Variants in SLITRK4 observed in about 807,000 individuals in gnomAD.
The protein encoded by SLITRK4 is SLIT and NTRK-like protein 4.
In SLITRK4, 7 loss-of-function variants were observed where a neutral mutation model predicts 34.7. That is an observed-to-expected ratio of 0.20 (90% CI 0.11 to 0.38). The LOEUF (loss-of-function observed/expected upper bound fraction) is 0.38. SLITRK4 is among the 10% of genes least tolerant of loss of function. SLITRK4 has a pLI of 1.00. For missense variants in SLITRK4, 474 were observed against 607.0 expected, an observed-to-expected ratio of 0.78 and a Z score of 2.30; for synonymous variants, 237 against 246.2, an observed-to-expected ratio of 0.96 and a Z score of 0.35.
chrX:143,628,163 T>A lies in SLITRK4; in HGVS notation c.*432A>T. ...TAATCTTTACACGGAGTTGTTACAA[T>A]GCCACAAATCAAAAGGATTATTCCA... On this transcript the variant is annotated 3_prime_UTR_variant, in exon 2 of 2. Coordinates refer to ENST00000356928, the MANE Select transcript of SLITRK4 (RefSeq NM_001184749.3). 2 of 126,789 alleles carry A rather than the reference T, an allele frequency of 1.6e-5. No homozygotes were observed. Among genetic ancestry groups the A allele is most frequent in the East Asian group, 4.3e-4 (2 of 4,641 alleles). The allele number at this position is 126,789 out of a possible 1,213,427, so 10.4% of individuals were successfully genotyped here. A position where few individuals can be genotyped will look rare whatever the true frequency, so the allele number is the denominator to read the frequency against.
rs1192882377 is a variant in SLITRK4, at chrX:143,627,346, A to C, written c.*1249T>G. 1 of 111,049 alleles carries C rather than the reference A, an allele frequency of 9.0e-6. No individual in the cohort carries two copies. The highest frequency in any genetic ancestry group is 1.9e-5 in the Non-Finnish European group (1 of 52,903). 9.2% of individuals were successfully genotyped at this position (111,049 alleles called of 1,213,427 possible). A position where few individuals can be genotyped will look rare whatever the true frequency, so the allele number is the denominator to read the frequency against. ...AAAGCAAGACAACCGATGGCAAATA[A>C]CAACTGCCCCAGACACAATACTAGA... On this transcript the variant is annotated 3_prime_UTR_variant, in exon 2 of 2. Coordinates refer to ENST00000356928, the MANE Select transcript of SLITRK4 (RefSeq NM_001184749.3).
intron 1 of SLITRK4, among the ~76,000 whole-genome samples, chrX:143,635,473 AACGAAGGAACACACAC>A (rs1931206721): frequency 2.7e-5 from 2 of 75,033 alleles, no homozygotes; most frequent in South Asian, 1.8e-3. Flanking sequence ...GTCCCCTAAT[AACGAAGGAACACACAC>A]ACACACACAC....
chrX:143,626,505 C>T lies in SLITRK4; in HGVS notation c.*2090G>A, dbSNP rs1249160576. 1 of 104,386 alleles carries T rather than the reference C, an allele frequency of 9.6e-6. No individual in the cohort carries two copies. Among genetic ancestry groups the T allele is most frequent in the Non-Finnish European group, 2.0e-5 (1 of 50,646 alleles). 8.6% of individuals were successfully genotyped at this position (104,386 alleles called of 1,213,427 possible). A position where few individuals can be genotyped will look rare whatever the true frequency, so the allele number is the denominator to read the frequency against. ...TTATCTATATGTATGAATATATACC[C>T]ACATATATATATATACACACACTCA... is the stretch of plus-strand genomic sequence containing the variant. On this transcript the variant is annotated 3_prime_UTR_variant, in exon 2 of 2. Coordinates refer to ENST00000356928, the MANE Select transcript of SLITRK4 (RefSeq NM_001184749.3).
In SLITRK4 at chrX:143,627,915, T is replaced by G. The variant is rs1163708561; in HGVS notation, c.*680A>C. On this transcript the variant is annotated 3_prime_UTR_variant, in exon 2 of 2. Transcript: ENST00000356928. ...TCACGTTGATTTTTTCTTTTAGATT[T>G]TTATGTATAGACAGGTAATGCTTAA... 5.5e-6 allele frequency: 1 copy of G among 183,296 alleles called. No individual in the cohort carries two copies. Among genetic ancestry groups the G allele is most frequent in the Non-Finnish European group, 9.9e-6 (1 of 100,544 alleles). 15.1% of individuals were successfully genotyped at this position (183,296 alleles called of 1,213,427 possible).
chrX:143,632,676 G>A (rs1396537085), intron 1 of SLITRK4, among the ~76,000 whole-genome samples: 1 of 111,624 alleles, frequency 9.0e-6, no homozygotes, highest in Non-Finnish European at 1.9e-5. Context: ...CCATGACCCA[G>A]GAGGATTTGC....
Position 143,631,135 on chromosome X carries a change from T to C in SLITRK4, c.-27A>G, listed in dbSNP as rs1556428507. On this transcript the variant is annotated 5_prime_UTR_variant, in exon 2 of 2. Coordinates refer to ENST00000356928, the MANE Select transcript of SLITRK4 (RefSeq NM_001184749.3). ...TTCTTGCAATCAGCAAACAACTGTATGCTTCTGAATAAAGAGAAATAATCT... is the reference window on the plus strand; with the variant it reads ...TTCTTGCAATCAGCAAACAACTGTACGCTTCTGAATAAAGAGAAATAATCT... 2 of 1,052,746 alleles carry C rather than the reference T, an allele frequency of 1.9e-6. No individual in the cohort carries two copies. Among genetic ancestry groups the C allele is most frequent in the Admixed American group, 3.3e-5 (1 of 30,096 alleles). 86.8% of individuals were successfully genotyped at this position (1,052,746 alleles called of 1,213,427 possible).
chrX:143,634,548 G>C (rs911249954), intron 1 of SLITRK4: 2 of 108,799 alleles, frequency 1.8e-5, no homozygotes, highest in East Asian at 5.9e-4. Flanking sequence ...GTGGGGGGGG[G>C]GGCGGGCAGC....
chrX:143,631,748 C>T (rs1931046447), intron 1 of SLITRK4, among the ~76,000 whole-genome samples: 1 of 110,956 alleles, frequency 9.0e-6, no homozygotes, highest in African/African-American at 3.3e-5. Flanking sequence ...GTGCTGTAGC[C>T]CCATAGGTAA....
rs890061373 is a variant in SLITRK4 at position 143,623,722 on chromosome X, A to G, written c.*4873T>C. 3 of 111,828 alleles carry G rather than the reference A, an allele frequency of 2.7e-5. No homozygotes were observed. The highest frequency in any genetic ancestry group is 5.7e-5 in the Non-Finnish European group (3 of 53,025). 9.2% of individuals were successfully genotyped at this position (111,828 alleles called of 1,213,427 possible). A position where few individuals can be genotyped will look rare whatever the true frequency, so the allele number is the denominator to read the frequency against. ...GGAAATCTGAAATTGAGAGTTAACA[A>G]TTATCAGGTGAACTTGATATATGTC... On this transcript the variant is annotated 3_prime_UTR_variant, in exon 2 of 2. Coordinates refer to ENST00000356928, the MANE Select transcript of SLITRK4 (RefSeq NM_001184749.3).
rs182191306 is a variant in SLITRK4 at position 143,633,130 on chromosome X, A to G, written c.-50-1972T>C. On this transcript the variant is annotated intron_variant, in intron 1 of 1. Transcript: ENST00000356928. Reference sequence around the variant, plus strand: ...TGCTACTTTAAGTAGCAAGGGGGGGAAAAGGCACTAGTAAGAGCCAGGAAG... The same window carrying G: ...TGCTACTTTAAGTAGCAAGGGGGGGGAAAGGCACTAGTAAGAGCCAGGAAG... Among the ~76,000 whole-genome samples, 333 of 110,777 alleles carry G rather than the reference A, an allele frequency of 3.0e-3. 1 individual carries two copies. The highest frequency in any genetic ancestry group is 0.01 in the African/African-American group (305 of 30,440).
At chrX:143,634,541 G>GC (rs1461868148) in intron 1 of SLITRK4, 5 of 100,065 alleles carry the variant, frequency 5.0e-5, no homozygotes, top group African/African-American at 1.6e-4. Flanking sequence ...GGGTATGGTG[G>GC]GGGGGGGGGC....
chrX:143,630,107 T>C lies in SLITRK4; in HGVS notation c.1002A>G (p.Thr334=). ...RNLSQIVSYQ[T]RVPPLTPCPA... The stretch of plus-strand genomic sequence containing the variant: ...GGCAAGGTGTTAGAGGAGGCACCCT[T>C]GTTTGGTAAGACACAATCTGACTGA... The change falls in exon 2 of 2, where the codon ACA becomes ACG. Residue 334 remains threonine (T), a synonymous_variant. Transcript: ENST00000356928. 8.3e-7 allele frequency: 1 copy of C among 1,211,752 alleles called. No individual in the cohort carries two copies. Among genetic ancestry groups the C allele is most frequent in the Non-Finnish European group, 1.1e-6 (1 of 895,452 alleles).
chrX:143,626,834 G>GTA lies in SLITRK4; in HGVS notation c.*1759_*1760dup, dbSNP rs1184348251. The GTA allele has an allele frequency of 3.8e-5, 4 of 104,114 alleles. No homozygotes were observed. The highest frequency in any genetic ancestry group is 7.9e-5 in the Non-Finnish European group (4 of 50,911). 8.6% of individuals were successfully genotyped at this position (104,114 alleles called of 1,213,427 possible). A position where few individuals can be genotyped will look rare whatever the true frequency, so the allele number is the denominator to read the frequency against. ...TGTATACACACACACATACATATAT[G>GTA]TATATATATACACACACATATATAT... On this transcript the variant is annotated 3_prime_UTR_variant, in exon 2 of 2. Transcript: ENST00000356928.
chrX:143,632,761 C>T (rs1931082134), intron 1 of SLITRK4, among the ~76,000 whole-genome samples: 1 of 111,792 alleles, frequency 8.9e-6, no homozygotes, highest in Non-Finnish European at 1.9e-5. Flanking sequence ...ACGTGCATTT[C>T]CCCTATTCAC....
rs782353906 is a variant in SLITRK4, at chrX:143,628,853, G to T, written c.2256C>A (p.Ser752Arg). ...TCTGAATAAACACATTGGAATCCCT[G>T]CTAGGGAATAATTCATCCAGCTCAT... ...TIDELDELFP[S>R]RDSNVFIQNF... The change falls in exon 2 of 2, where the codon AGC (serine) becomes AGA (arginine). Residue 752 changes from serine (S) to arginine (R), a missense_variant. Ser to Arg is a moderately radical substitution (Grantham distance 110, BLOSUM62 -1). Around this residue, in one of 3 missense-constraint regions of SLITRK4, gnomAD observed 345 missense variants for 406.5 expected, o/e 0.85. Coordinates refer to ENST00000356928, the MANE Select transcript of SLITRK4 (RefSeq NM_001184749.3). 8.3e-7 allele frequency: 1 copy of T among 1,209,987 alleles called. No individual in the cohort carries two copies.
chrX:143,632,111 T>C (rs1156682401), intron 1 of SLITRK4, among the ~76,000 whole-genome samples: 1 of 111,898 alleles, frequency 8.9e-6, no homozygotes, highest in East Asian at 2.8e-4. Flanking sequence ...CTGCTTTATC[T>C]CTTTCACTTT....
chrX:143,635,049 G>GGC (rs1364822816), intron 1 of SLITRK4: 2 of 106,835 alleles, frequency 1.9e-5, no homozygotes, highest in Non-Finnish European at 3.9e-5. Flanking sequence ...GGCGGGCAGC[G>GGC]GCGCGCGCGC....
At position 143,628,934 on chromosome X, in the gene SLITRK4, G is replaced by A. The variant is rs1556426112; in HGVS notation, c.2175C>T (p.Ala725=). The A allele has an allele frequency of 5.0e-6, 6 of 1,210,819 alleles. No homozygotes were observed. Among genetic ancestry groups the A allele is most frequent in the African/African-American group, 3.5e-5 (2 of 57,640 alleles). Residue 725 remains alanine, a synonymous_variant, in exon 2 of 2, where the codon GCC becomes GCT. Transcript: ENST00000356928. ...CATGTAATAAATCTTTCTCCTTGTC[G>A]GCCACATTTCTCATAACAACTTTCT... ...PGQKVVMRNV[A]DKEKDLLHVD... is the part of the protein sequence containing the mutation.
rs1556426992 is a variant in SLITRK4 at position 143,629,808 on chromosome X, C to T, written c.1301G>A (p.Gly434Asp). ...LTNLRRLYLN[G>D]NQIERLYPEI... ...AGGATAGAGTCTCTCAATTTGATTG[C>T]CATTGAGATATAGCCTGCGTAAATT... is the stretch of plus-strand genomic sequence containing the variant. Residue 434 changes from glycine to aspartate, a missense_variant, in exon 2 of 2, where the codon GGC (glycine) becomes GAC (aspartate). Around this residue, in one of 3 missense-constraint regions of SLITRK4, gnomAD observed 345 missense variants for 406.5 expected, o/e 0.85. Coordinates refer to ENST00000356928, the MANE Select transcript of SLITRK4 (RefSeq NM_001184749.3). The T allele has an allele frequency of 8.3e-7, 1 of 1,208,319 alleles. No homozygotes were observed.
Sources: allele counts gnomAD v4.1 joint callset (sites outside exome capture counted in the v4.1 genomes callset), GRCh38; gene constraint gnomAD v4.1.1; regional missense constraint gnomAD v4.1.1; transcripts MANE v1.5; gene names NCBI Gene and HGNC (gene_info 2026-07-23, HGNC 2026-07-21).